Variants in SNX29 observed in about 807,000 individuals in gnomAD.
The protein encoded by SNX29 is sorting nexin-29.
SNX29 carries 78 observed loss-of-function variants against 102.1 expected under a neutral mutation model. That is an observed-to-expected ratio of 0.76 (90% CI 0.64 to 0.92). The LOEUF (loss-of-function observed/expected upper bound fraction) is 0.92, where lower values mean the gene tolerates loss of function less well. SNX29 is among the 40% of genes least tolerant of loss of function. SNX29 has a pLI of 0.00. For missense variants in SNX29, 1,280 were observed against 1,061.7 expected (o/e 1.21, Z -2.86); for synonymous variants, 580 against 414.5 (o/e 1.40, Z -4.85).
chr16:12,252,182 T>C (rs2142392084), intron 14 of SNX29, among the ~76,000 whole-genome samples: 1 of 152,338 alleles, frequency 6.6e-6, no homozygotes, highest in East Asian at 1.9e-4. Flanking sequence ...GCATACAGAA[T>C]TGAGTGACAA....
intron 14 of SNX29, among the ~76,000 whole-genome samples, chr16:12,223,354 T>C (rs1164296295): frequency 6.6e-6 from 1 of 152,122 alleles, no homozygotes; most frequent in Non-Finnish European, 1.5e-5. Flanking sequence ...GGCAAAACCC[T>C]ATCTCTATTA....
chr16:12,463,194 G>C (rs993207174), intron 18 of SNX29, among the ~76,000 whole-genome samples: 17 of 152,210 alleles, frequency 1.1e-4, no homozygotes, highest in African/African-American at 4.1e-4. Context: ...CACTTTCTCT[G>C]CATTGCTACT....
At chr16:12,516,678 T>C (rs944192409) in intron 19 of SNX29, among the ~76,000 whole-genome samples, 4 of 152,182 alleles carry the variant, frequency 2.6e-5, no homozygotes, top group African/African-American at 9.7e-5. Flanking sequence ...CTTTTTATTT[T>C]ACAAAATACC....
intron 14 of SNX29, among the ~76,000 whole-genome samples, chr16:12,243,016 G>C (rs1048787518): frequency 2.0e-5 from 3 of 152,158 alleles, no homozygotes; most frequent in African/African-American, 7.2e-5. Context: ...AGAGGCCCCT[G>C]GCTGTGGAGG....
intron 16 of SNX29, among the ~76,000 whole-genome samples, chr16:12,387,138 A>T (rs1014176755): frequency 7.3e-5 from 11 of 151,462 alleles, no homozygotes; most frequent in African/African-American, 2.7e-4. Flanking sequence ...AAAAAAATAA[A>T]AAAAAAAGAG....
At chr16:12,559,392 C>T (rs545468267) in intron 20 of SNX29, among the ~76,000 whole-genome samples, 40 of 151,324 alleles carry the variant, frequency 2.6e-4, no homozygotes, top group African/African-American at 7.1e-4. Context: ...CCTCTCCCAT[C>T]GCCCCCTGAA....
At chr16:12,030,836 C>T (rs187730246) in intron 4 of SNX29, among the ~76,000 whole-genome samples, 1 of 152,142 alleles carries the variant, frequency 6.6e-6, no homozygotes, top group Non-Finnish European at 1.5e-5. Context: ...TGCTGTATGC[C>T]AGGGCTGACA....
At chr16:12,088,104 C>G (rs1320747760) in intron 11 of SNX29, 3 of 456,640 alleles carry the variant, frequency 6.6e-6, no homozygotes, top group East Asian at 6.9e-5. Flanking sequence ...ACAGGTCCTG[C>G]CGTGGGTGTC....
chr16:12,073,888 C>T (rs942225606), intron 10 of SNX29, among the ~76,000 whole-genome samples: 2 of 151,864 alleles, frequency 1.3e-5, no homozygotes, highest in Admixed American at 6.6e-5. Context: ...ATAGTTAGCT[C>T]TTCTTGTTGA....
At chr16:12,512,568 C>G (rs1251403032) in intron 19 of SNX29, among the ~76,000 whole-genome samples, 1 of 151,516 alleles carries the variant, frequency 6.6e-6, no homozygotes, top group Non-Finnish European at 1.5e-5. Flanking sequence ...TGCTTCTTCA[C>G]TTGACTGGCC....
At chr16:12,525,970 T>A (rs1597740168) in intron 20 of SNX29, among the ~76,000 whole-genome samples, 1 of 152,176 alleles carries the variant, frequency 6.6e-6, no homozygotes, top group South Asian at 2.1e-4. Flanking sequence ...ATTTACATCC[T>A]TGGAATTAGG....
At chr16:12,533,761 G>T (rs1170360720) in intron 20 of SNX29, among the ~76,000 whole-genome samples, 2 of 152,146 alleles carry the variant, frequency 1.3e-5, no homozygotes, top group Non-Finnish European at 2.9e-5. Flanking sequence ...AAGCCATTGA[G>T]TTGTCAGCAG....
intron 14 of SNX29, among the ~76,000 whole-genome samples, chr16:12,261,071 C>G (rs1404806682): frequency 7.0e-6 from 1 of 142,674 alleles, no homozygotes; most frequent in South Asian, 2.3e-4. Context: ...CGCATGAGTC[C>G]CTGGCTGGAG....
chr16:12,378,757 C>A (rs1306831803), intron 16 of SNX29, among the ~76,000 whole-genome samples: 3 of 152,146 alleles, frequency 2.0e-5, no homozygotes, highest in Non-Finnish European at 2.9e-5. Flanking sequence ...ATCATGGAAA[C>A]CTGGTACATT....
chr16:12,246,277 G>A (rs987282100), intron 14 of SNX29, among the ~76,000 whole-genome samples: 1 of 152,102 alleles, frequency 6.6e-6, no homozygotes, highest in Non-Finnish European at 1.5e-5. Context: ...CTCCTTTCTG[G>A]GTGGGTCACA....
rs561770528 is a variant in SNX29, at chr16:12,550,209, A to T, written c.2319-18297A>T. On this transcript the variant is annotated intron_variant, in intron 20 of 20. Coordinates refer to ENST00000566228, the MANE Select transcript of SNX29 (RefSeq NM_032167.5). ...TTATTACTAAGAGGATAAAGCATGG[A>T]AGAGTACCACACAATACCTTTCTAA... Among the ~76,000 whole-genome samples the T allele has an allele frequency of 3.3e-5, 5 of 152,346 alleles. No homozygotes were observed. In the East Asian group the frequency reaches 5.8e-4, roughly 18 times the overall value.
chr16:12,562,797 G>A lies in SNX29; in HGVS notation c.2319-5709G>A, dbSNP rs182648197. Among the ~76,000 whole-genome samples the A allele has an allele frequency of 6.1e-4, 93 of 152,284 alleles. 1 individual carries two copies. The highest frequency in any genetic ancestry group is 3.4e-3 in the Middle Eastern group (1 of 294). On this transcript the variant is annotated intron_variant, in intron 20 of 20. Transcript: ENST00000566228. ...GTCCTTTAGCCATCACCATCAAGAT[G>A]TGGAACAACTCCTTTCCCCCCAAAT...
chr16:12,344,845 C>T (rs1469263466), intron 15 of SNX29, among the ~76,000 whole-genome samples: 1 of 152,228 alleles, frequency 6.6e-6, no homozygotes, highest in African/African-American at 2.4e-5. Context: ...AATAGCCGTC[C>T]TCTGCAAGCC....
intron 19 of SNX29, among the ~76,000 whole-genome samples, chr16:12,519,080 C>T (rs2089991467): frequency 6.6e-6 from 1 of 152,200 alleles, no homozygotes; most frequent in Admixed American, 6.5e-5. Flanking sequence ...GCTAATCAGG[C>T]ACTCCCGGCT....
Sources: allele counts gnomAD v4.1 joint callset (sites outside exome capture counted in the v4.1 genomes callset), GRCh38; gene constraint gnomAD v4.1.1; transcripts MANE v1.5; gene names NCBI Gene and HGNC (gene_info 2026-07-23, HGNC 2026-07-21).